The following GSN variants were observed in gnomAD, a reference collection of about 807,000 sequenced individuals.
GSN encodes actin-depolymerizing factor.
GSN carries 56 observed loss-of-function variants against 85.7 expected under a neutral mutation model. The ratio of observed to expected loss-of-function variants is 0.65; its 90% CI spans 0.53 to 0.82. GSN has a LOEUF of 0.82. Ranked by LOEUF, GSN falls within the 40% of genes least tolerant of loss-of-function variation. GSN has a pLI of 0.00. For missense variants in GSN, 857 were observed against 979.8 expected (o/e 0.87, Z 1.67); for synonymous variants, 373 against 399.1 (o/e 0.93, Z 0.78).
At chr9:121,228,478 G>C (rs2054322568) in intron 4 of GSN, among the ~76,000 whole-genome samples, 1 of 128,128 alleles carries the variant, frequency 7.8e-6, no homozygotes, top group Non-Finnish European at 1.6e-5. Flanking sequence ...TTGTTACCCA[G>C]ACTGGAGTGC....
intron 1 of GSN, among the ~76,000 whole-genome samples, chr9:121,275,947 C>A (rs1053916692): frequency 2.6e-5 from 4 of 152,148 alleles, no homozygotes; most frequent in South Asian, 4.1e-4. Context: ...CATAATTATA[C>A]CAAGACATCT....
chr9:121,276,534 C>G (rs7025165), intron 1 of GSN, among the ~76,000 whole-genome samples: 109,764 of 152,154 alleles, frequency 0.72, 39,928 homozygotes, highest in South Asian at 0.81. Flanking sequence ...CTTGGCATAG[C>G]GCACCCCCCC....
At chr9:121,306,256 T>C (rs2060408132) in intron 4 of GSN, among the ~76,000 whole-genome samples, 1 of 152,164 alleles carries the variant, frequency 6.6e-6, no homozygotes, top group Non-Finnish European at 1.5e-5. Flanking sequence ...AACCTTTCTG[T>C]CCTCCCTCTC....
At chr9:121,327,199 T>C (rs1256202676) in intron 13 of GSN, 109 bp from the exon 14 acceptor site, 7 of 933,972 alleles carry the variant, frequency 7.5e-6, no homozygotes, top group Non-Finnish European at 1.2e-5. Flanking sequence ...GCTGTGTTCC[T>C]CCAAGTCCCC....
chr9:121,306,458 AG>A (rs764636458), intron 4 of GSN, among the ~76,000 whole-genome samples: 12 of 152,262 alleles, frequency 7.9e-5, no homozygotes, highest in Non-Finnish European at 1.8e-4. Context: ...ACAGAAATAT[AG>A]GTTCCAGAAA....
At chr9:121,205,153 A>T (rs2053862640), upstream of GSN, among the ~76,000 whole-genome samples, 1 of 151,918 alleles carries the variant, frequency 6.6e-6, no homozygotes, top group Non-Finnish European at 1.5e-5. Flanking sequence ...TTCTACCTCC[A>T]CTCCACTACT....
chr9:121,277,179 G>A (rs1381960532), intron 1 of GSN, among the ~76,000 whole-genome samples: 1 of 152,194 alleles, frequency 6.6e-6, no homozygotes, highest in Non-Finnish European at 1.5e-5. Context: ...AATGCTTTAT[G>A]AAATCACTGG....
Position 121,329,199 on chromosome 9 carries a change from G to T in GSN, c.1888-39G>T. 1 of 1,524,654 alleles carries T rather than the reference G, an allele frequency of 6.6e-7. No individual in the cohort carries two copies. Among genetic ancestry groups the T allele is most frequent in the South Asian group, 1.1e-5 (1 of 89,254 alleles). 94.4% of individuals were successfully genotyped at this position (1,524,654 alleles called of 1,614,324 possible). On this transcript the variant is annotated intron_variant, in intron 15 of 17. Transcript: ENST00000432226. The surrounding 1 kb of genome is among the most constrained non-coding windows in gnomAD (Gnocchi z 4.6). Reference sequence around the variant, plus strand: ...AGATAAAGGAAGGCCACCCAGGGGAGGGAAGACATCTCACTGATGCTCTTT... The same window carrying T: ...AGATAAAGGAAGGCCACCCAGGGGATGGAAGACATCTCACTGATGCTCTTT...
At chr9:121,224,057 A>T (rs2054224626) in intron 4 of GSN, among the ~76,000 whole-genome samples, 1 of 151,722 alleles carries the variant, frequency 6.6e-6, no homozygotes, top group Non-Finnish European at 1.5e-5. Context: ...CTGATAGGTT[A>T]AAAAAAAGGT....
intron 4 of GSN, among the ~76,000 whole-genome samples, chr9:121,226,902 CGT>C (rs2054280909): frequency 6.6e-6 from 1 of 152,188 alleles, no homozygotes; most frequent in African/African-American, 2.4e-5. Flanking sequence ...ATCATGCCTA[CGT>C]GATGAAGGCT....
chr9:121,327,209 C>G (rs891501268), intron 13 of GSN, 99 bp from the exon 14 acceptor site: 1 of 983,408 alleles, frequency 1.0e-6, no homozygotes, highest in East Asian at 2.4e-5. Context: ...TCCAAGTCCC[C>G]ACCTGAGAGC....
At chr9:121,307,293 A>G (rs2060518564) in intron 4 of GSN, among the ~76,000 whole-genome samples, 1 of 152,266 alleles carries the variant, frequency 6.6e-6, no homozygotes, top group African/African-American at 2.4e-5. Context: ...TTTTAATAAC[A>G]AAAATGAAAG....
At position 121,328,981 on chromosome 9, in the gene GSN, T is replaced by C. The variant is rs766507787; in HGVS notation, c.1853T>C (p.Leu618Pro). 6.2e-7 allele frequency: 1 copy of C among 1,614,024 alleles called. No individual in the cohort carries two copies. Among genetic ancestry groups the C allele is most frequent in the Non-Finnish European group, 8.5e-7 (1 of 1,180,026 alleles). The change falls in exon 15 of 18, where the codon CTC becomes CCC. Residue 618 changes from leucine (L) to proline (P), a missense_variant. Transcript: ENST00000432226. The part of the protein sequence containing the change: ...DKKMDAHPPR[L>P]FACSNKIGRF... ...AAGATGGATGCCCATCCTCCTCGCC[T>C]CTTTGCCTGCTCCAACAAGATTGGA...
intron 2 of GSN, 196 bp from the exon 3 acceptor site, chr9:121,301,767 G>A (rs993918500): frequency 1.3e-6 from 1 of 765,948 alleles, no homozygotes; most frequent in South Asian, 1.6e-5. Flanking sequence ...CACAGGTTTT[G>A]AAGCATAAAA....
chr9:121,239,057 C>A, intron 5 of GSN: 1 of 413,012 alleles, frequency 2.4e-6, no homozygotes, highest in Non-Finnish European at 4.8e-6. Context: ...TGAATGATAT[C>A]GTTGGCAGGC....
At chr9:121,289,462 C>T (rs774946200) in intron 2 of GSN, among the ~76,000 whole-genome samples, 5 of 152,170 alleles carry the variant, frequency 3.3e-5, no homozygotes, top group Non-Finnish European at 5.9e-5. Context: ...GCTGTGAGCA[C>T]GTCTGCATTC....
Position 121,328,796 on chromosome 9 carries a change from T to A in GSN, c.1763-95T>A. On this transcript the variant is annotated intron_variant, in intron 14 of 17. Transcript: ENST00000432226. ...ATGGAGGGAGGAGAGGGAGAGCAGT[T>A]GGTTGCGCTTGGGCAGGGCTGGTCC... 5.4e-6 allele frequency: 7 copies of A among 1,293,134 alleles called. No homozygotes were observed. The South Asian group carries it at 8.3e-5, about 15-fold the overall frequency. 80.1% of individuals were successfully genotyped at this position (1,293,134 alleles called of 1,614,324 possible).
chr9:121,215,172 C>T (rs2132086636), intron 4 of GSN, among the ~76,000 whole-genome samples: 1 of 149,932 alleles, frequency 6.7e-6, no homozygotes, highest in East Asian at 2.0e-4. Flanking sequence ...GTTTGTATCT[C>T]TTCTCCTCTT....
intron 6 of GSN, among the ~76,000 whole-genome samples, chr9:121,252,009 T>C (rs2054848704): frequency 6.6e-6 from 1 of 152,042 alleles, no homozygotes; most frequent in African/African-American, 2.4e-5. Flanking sequence ...CAAGTATAAT[T>C]TGAAAAATTA....
Sources: gnomAD v4.1 joint callset for allele counts (sites outside exome capture counted in the v4.1 genomes callset) on GRCh38, gnomAD v4.1.1 for gene constraint, Gnocchi (gnomAD v3.1) non-coding constraint, MANE v1.5 for transcripts, NCBI Gene and HGNC (gene_info 2026-07-23, HGNC 2026-07-21) for gene names.